The following KAT2B variants were observed in gnomAD, a reference collection of about 807,000 sequenced individuals.
KAT2B encodes histone acetyltransferase KAT2B.
KAT2B carries 36 observed loss-of-function variants against 105.9 expected under a neutral mutation model. That is an observed-to-expected ratio of 0.34 (90% CI 0.26 to 0.45). KAT2B has a LOEUF of 0.45. Among genes scored for constraint, KAT2B ranks in the 20% least tolerant of loss-of-function variants. The probability of loss-of-function intolerance (pLI) is 1.00; values close to 1 mark genes in which losing one functional copy is unlikely to be tolerated. For synonymous variants in KAT2B, 397 were observed against 377.9 expected, an observed-to-expected ratio of 1.05 and a Z score of -0.59; for missense variants, 820 against 1,021.6, an observed-to-expected ratio of 0.80 and a Z score of 2.69.
At chr3:20,120,668 G>A (rs1368738174) in intron 8 of KAT2B, among the ~76,000 whole-genome samples, 1 of 152,062 alleles carries the variant, frequency 6.6e-6, no homozygotes, top group Non-Finnish European at 1.5e-5. Context: ...GATACCAGGA[G>A]GGTAAAGAAT....
intron 3 of KAT2B, among the ~76,000 whole-genome samples, chr3:20,098,442 G>A (rs1015641347): frequency 1.3e-5 from 2 of 152,172 alleles, no homozygotes; most frequent in African/African-American, 2.4e-5. Context: ...AAGGTTGTAA[G>A]TATTAAATGA....
At chr3:20,078,930 A>G (rs1391994172) in intron 2 of KAT2B, among the ~76,000 whole-genome samples, 4 of 148,182 alleles carry the variant, frequency 2.7e-5, no homozygotes, top group African/African-American at 5.0e-5. Context: ...GATGGAGTGC[A>G]GTGGCGCGAT....
At chr3:20,126,205 C>A (rs1019014894) in intron 10 of KAT2B, 92 bp downstream of exon 10, 3 of 1,008,058 alleles carry the variant, frequency 3.0e-6, no homozygotes, top group South Asian at 1.5e-5. Context: ...AGTCATCCAC[C>A]GAATACTACT....
chr3:20,141,102 G>T (rs1342185683), intron 13 of KAT2B, among the ~76,000 whole-genome samples: 1 of 152,104 alleles, frequency 6.6e-6, no homozygotes, highest in African/African-American at 2.4e-5. Context: ...TTCAGGGTGT[G>T]TTCCAGTTCC....
At chr3:20,122,436 C>G (rs1348011944) in intron 8 of KAT2B, among the ~76,000 whole-genome samples, 1 of 152,106 alleles carries the variant, frequency 6.6e-6, no homozygotes, top group Non-Finnish European at 1.5e-5. Context: ...TTTCATGTAT[C>G]TAGTTAAAAA....
rs564985828 is a variant in KAT2B, at chr3:20,123,024, C to G, written c.1413+220C>G. On this transcript the variant is annotated intron_variant, in intron 9 of 17. Coordinates refer to ENST00000263754, the MANE Select transcript of KAT2B (RefSeq NM_003884.5). ...TCACAGGTCCACTTACTAATAATCT[C>G]ACAGTTGAAGGCATCATTCCCAGCT... The G allele has an allele frequency of 9.1e-6, 8 of 879,870 alleles. No homozygotes were observed. In the South Asian group the frequency reaches 3.1e-4, roughly 34 times the overall value. 54.5% of individuals were successfully genotyped at this position (879,870 alleles called of 1,614,324 possible).
chr3:20,105,397 A>C (rs1206387259), intron 5 of KAT2B, among the ~76,000 whole-genome samples: 1 of 152,222 alleles, frequency 6.6e-6, no homozygotes, highest in Admixed American at 6.5e-5. Context: ...GCTGAAGGAA[A>C]GTGCAAGTAA....
chr3:20,067,960 T>TC (rs1227621690), intron 1 of KAT2B, among the ~76,000 whole-genome samples: 5 of 150,368 alleles, frequency 3.3e-5, no homozygotes, highest in African/African-American at 1.2e-4. Flanking sequence ...CCTGTGCCTG[T>TC]CCCGTCTGGC....
intron 2 of KAT2B, among the ~76,000 whole-genome samples, chr3:20,080,958 A>G (rs1698508535): frequency 6.6e-6 from 1 of 152,330 alleles, no homozygotes; most frequent in South Asian, 2.1e-4. Context: ...GGCTTGCATT[A>G]TATTTCTACT....
chr3:20,135,480 C>T lies in KAT2B; in HGVS notation c.1750-1462C>T, dbSNP rs149530028. ...CTATCCTGGCTAACACAGTGAAACC[C>T]CGTCTCTACTAAAAATACAAAAAAT... On this transcript the variant is annotated intron_variant, in intron 11 of 17. Coordinates refer to ENST00000263754, the MANE Select transcript of KAT2B (RefSeq NM_003884.5). Among the ~76,000 whole-genome samples, 776 of 152,172 alleles carry T rather than the reference C, an allele frequency of 5.1e-3. 5 individuals carry two copies. Among genetic ancestry groups the T allele is most frequent in the African/African-American group, 0.018 (734 of 41,530 alleles).
intron 1 of KAT2B, among the ~76,000 whole-genome samples, chr3:20,066,282 G>A (rs999038633): frequency 1.3e-5 from 2 of 152,084 alleles, no homozygotes; most frequent in African/African-American, 4.8e-5. Flanking sequence ...TTAGGAAAAC[G>A]CCAGTCATTG....
At position 20,049,551 on chromosome 3, in the gene KAT2B, C is replaced by T. The variant is rs553308313; in HGVS notation, c.303+8771C>T. On this transcript the variant is annotated intron_variant, in intron 1 of 17. Transcript: ENST00000263754. ...ATTTTGCCTCCTCTTCCAAAACTTTCGCATGGGGTAGAGGGGGTCGCTTTT... is the reference window on the plus strand; with the variant it reads ...ATTTTGCCTCCTCTTCCAAAACTTTTGCATGGGGTAGAGGGGGTCGCTTTT... Among the ~76,000 whole-genome samples the T allele has an allele frequency of 5.6e-4, 85 of 152,254 alleles. 1 individual carries two copies. Among genetic ancestry groups the T allele is most frequent in the Admixed American group, 6.5e-4 (10 of 15,284 alleles).
Position 20,111,799 on chromosome 3 carries a change from T to C in KAT2B, c.1043+12T>C, listed in dbSNP as rs1699126567. The C allele has an allele frequency of 1.9e-6, 3 of 1,603,860 alleles. No individual in the cohort carries two copies. Among genetic ancestry groups the C allele is most frequent in the South Asian group, 2.2e-5 (2 of 90,006 alleles). On this transcript the variant is annotated intron_variant, in intron 6 of 17. Transcript: ENST00000263754. ...ACTCATTTCCCAAAGTAAGGGAGAG[T>C]TTTTGCTGGTCTTTGTTTGATCCCA... is the stretch of plus-strand genomic sequence containing the variant.
chr3:20,100,498 T>C (rs781226491), intron 4 of KAT2B, among the ~76,000 whole-genome samples: 3 of 152,222 alleles, frequency 2.0e-5, no homozygotes, highest in Admixed American at 6.5e-5. Context: ...GTTGTCAGTA[T>C]CTCTCATTAG....
chr3:20,049,212 C>G (rs1391381788), intron 1 of KAT2B, among the ~76,000 whole-genome samples: 2 of 152,130 alleles, frequency 1.3e-5, no homozygotes, highest in Admixed American at 1.3e-4. Context: ...AAGTAGGAGT[C>G]CAGGTGCCAC....
chr3:20,146,376 T>G lies in KAT2B; in HGVS notation c.2065T>G (p.Ser689Ala), dbSNP rs143156951. The change falls in exon 14 of 18, where the codon TCA becomes GCA. Residue 689 changes from serine to alanine, a missense_variant. Ser to Ala is a moderately conservative substitution (Grantham distance 99). Coordinates refer to ENST00000263754, the MANE Select transcript of KAT2B (RefSeq NM_003884.5). ...AQIRKVYPGLSCFKDGVRQIP... is the reference protein window; with the variant it reads ...AQIRKVYPGLACFKDGVRQIP... ...AATTCGAAAAGTTTACCCTGGACTT[T>G]CATGTTTTAAAGATGGAGTTCGACA... 1 of 1,613,634 alleles carries G rather than the reference T, an allele frequency of 6.2e-7. No individual in the cohort carries two copies. The highest frequency in any genetic ancestry group is 2.2e-5 in the East Asian group (1 of 44,854).
chr3:20,100,367 A>G (rs13323914), intron 4 of KAT2B, among the ~76,000 whole-genome samples: 32,611 of 152,058 alleles, frequency 0.21, 4,616 homozygotes, highest in East Asian at 0.43. Flanking sequence ...TCAAGCAAAA[A>G]AAGCAAAAAA....
At chr3:20,071,868 C>T (rs1698329708) in intron 1 of KAT2B, among the ~76,000 whole-genome samples, 1 of 152,202 alleles carries the variant, frequency 6.6e-6, no homozygotes, top group Non-Finnish European at 1.5e-5. Context: ...AGATTGCTAA[C>T]TTCTTCGGTT....
intron 13 of KAT2B, among the ~76,000 whole-genome samples, chr3:20,141,369 GAA>G (rs56780132): frequency 2.7e-5 from 4 of 148,996 alleles, no homozygotes; most frequent in East Asian, 3.9e-4. Context: ...TTCTAAGGCA[GAA>G]AAAAAAAACA....
Sources: allele counts gnomAD v4.1 joint callset (sites outside exome capture counted in the v4.1 genomes callset), GRCh38; gene constraint gnomAD v4.1.1; transcripts MANE v1.5; gene names NCBI Gene and HGNC (gene_info 2026-07-23, HGNC 2026-07-21).